The following ADGRB3 variants were observed in gnomAD, a reference collection of about 807,000 sequenced individuals.
ADGRB3 encodes adhesion G protein-coupled receptor B3.
A neutral mutation model predicts 193.4 loss-of-function variants in ADGRB3; 37 were observed. That is an observed-to-expected ratio of 0.19 (90% CI 0.15 to 0.25). The LOEUF (loss-of-function observed/expected upper bound fraction) is 0.25. Ranked by LOEUF, ADGRB3 falls within the 10% of genes least tolerant of loss-of-function variation. The pLI is 1.00. For missense variants in ADGRB3, 1,637 were observed against 1,852.9 expected, an observed-to-expected ratio of 0.88 and a Z score of 2.14; for synonymous variants, 690 against 644.2, an observed-to-expected ratio of 1.07 and a Z score of -1.08.
At position 68,661,325 on chromosome 6, in the gene ADGRB3, G is replaced by GTA. The variant is rs1285732546; in HGVS notation, c.757+21909_757+21910dup. On this transcript the variant is annotated intron_variant, in intron 3 of 31. Transcript: ENST00000370598. ...TATATATGTGTGTGTGTGTGTGTGT[G>GTA]TATATATATATATATATGTGTGTGT... 4.0e-4 allele frequency among the ~76,000 whole-genome samples: 36 copies of GTA among 89,558 alleles called. 1 individual carries two copies. Among genetic ancestry groups the GTA allele is most frequent in the Middle Eastern group, 5.6e-3 (1 of 178 alleles). 58.8% of individuals were successfully genotyped at this position (89,558 alleles called of 152,430 possible).
At chr6:69,199,401 G>A (rs953684788) in intron 17 of ADGRB3, among the ~76,000 whole-genome samples, 1 of 152,008 alleles carries the variant, frequency 6.6e-6, no homozygotes, top group Admixed American at 6.6e-5. Flanking sequence ...AGGGATAGTA[G>A]TAATAATCTG....
chr6:69,252,957 T>A lies in ADGRB3; in HGVS notation c.2814+13731T>A, dbSNP rs139721774. The stretch of plus-strand genomic sequence containing the variant: ...ATGTAGATCTATGTCTCGAACAAAA[T>A]TAATTTTTGTGTGTTATATGAGGTA... On this transcript the variant is annotated intron_variant, in intron 20 of 31. Transcript: ENST00000370598. Among the ~76,000 whole-genome samples the A allele has an allele frequency of 3.2e-3, 493 of 152,192 alleles. 1 individual carries two copies. The highest frequency in any genetic ancestry group is 0.011 in the African/African-American group (466 of 41,538).
At chr6:69,118,202 A>G (rs1773586127) in intron 17 of ADGRB3, among the ~76,000 whole-genome samples, 2 of 152,088 alleles carry the variant, frequency 1.3e-5, no homozygotes, top group African/African-American at 2.4e-5. Context: ...TCTTCCAAAT[A>G]TAGTATAATT....
At chr6:69,210,731 TG>T (rs1157300089) in intron 17 of ADGRB3, among the ~76,000 whole-genome samples, 1 of 152,104 alleles carries the variant, frequency 6.6e-6, no homozygotes, top group East Asian at 1.9e-4. Context: ...ACTGTTAAAA[TG>T]GCAAATAAAT....
intron 17 of ADGRB3, among the ~76,000 whole-genome samples, chr6:69,102,110 G>A (rs530201690): frequency 2.7e-5 from 4 of 150,748 alleles, no homozygotes; most frequent in South Asian, 2.2e-4. Flanking sequence ...CCCGGGAGGC[G>A]GAGTTTGCAG....
chr6:69,010,814 A>T (rs1769910050), intron 11 of ADGRB3, among the ~76,000 whole-genome samples: 2 of 151,974 alleles, frequency 1.3e-5, no homozygotes, highest in African/African-American at 4.8e-5. Context: ...AAAAGCAAAA[A>T]AATGAGACAA....
chr6:69,056,494 T>A (rs1771548825), intron 15 of ADGRB3, among the ~76,000 whole-genome samples: 1 of 152,152 alleles, frequency 6.6e-6, no homozygotes, highest in South Asian at 2.1e-4. Context: ...TTTGATGAAG[T>A]CCTATTTGCT....
At chr6:68,760,495 A>G (rs1053067237) in intron 3 of ADGRB3, among the ~76,000 whole-genome samples, 5 of 152,232 alleles carry the variant, frequency 3.3e-5, no homozygotes, top group African/African-American at 7.2e-5. Context: ...GACCAGAACC[A>G]AAGAAAATGA....
At chr6:69,146,195 T>C (rs2150339584) in intron 17 of ADGRB3, among the ~76,000 whole-genome samples, 1 of 152,270 alleles carries the variant, frequency 6.6e-6, no homozygotes, top group East Asian at 1.9e-4. Context: ...ACCCCCATGC[T>C]CATCAGCACC....
At chr6:68,979,242 G>C (rs1288924857) in intron 10 of ADGRB3, among the ~76,000 whole-genome samples, 1 of 151,194 alleles carries the variant, frequency 6.6e-6, no homozygotes, top group African/African-American at 2.4e-5. Context: ...AAGGATACTA[G>C]CAGCTGGAGA....
intron 17 of ADGRB3, among the ~76,000 whole-genome samples, chr6:69,146,821 C>CTTTTTTTTTTTTTTT (rs756561473): frequency 5.8e-5 from 6 of 103,244 alleles, no homozygotes; most frequent in Admixed American, 1.1e-4. Context: ...CTCATTACTT[C>CTTTTTTTTTTTTTTT]TTTTTTTTTT....
chr6:69,176,859 A>G (rs560861303), intron 17 of ADGRB3, among the ~76,000 whole-genome samples: 1 of 152,288 alleles, frequency 6.6e-6, no homozygotes, highest in South Asian at 2.1e-4. Context: ...CAATCTAGGG[A>G]CATTGTATGC....
At chr6:69,107,876 A>C (rs574439791) in intron 17 of ADGRB3, among the ~76,000 whole-genome samples, 1 of 152,216 alleles carries the variant, frequency 6.6e-6, no homozygotes, top group Admixed American at 6.5e-5. Context: ...AACAGTAGAC[A>C]CTTGAGACTA....
chr6:69,354,349 G>A (rs754811046), intron 27 of ADGRB3, 21 bp downstream of exon 27: 18 of 1,559,036 alleles, frequency 1.2e-5, no homozygotes, highest in Middle Eastern at 1.7e-4. Context: ...ATTTTTCCCC[G>A]ATTGTTAATT....
At chr6:69,113,000 T>C (rs1262516675) in intron 17 of ADGRB3, among the ~76,000 whole-genome samples, 1 of 152,144 alleles carries the variant, frequency 6.6e-6, no homozygotes, top group Non-Finnish European at 1.5e-5. Context: ...TCAGGTGGTC[T>C]GCCCACCTCA....
chr6:69,287,267 A>T (rs971037892), intron 20 of ADGRB3, among the ~76,000 whole-genome samples: 13 of 152,242 alleles, frequency 8.5e-5, no homozygotes, highest in African/African-American at 2.9e-4. Context: ...TTACCCACAG[A>T]GCAAATAATA....
chr6:69,039,655 A>C (rs1210942598), intron 13 of ADGRB3, among the ~76,000 whole-genome samples: 1 of 152,192 alleles, frequency 6.6e-6, no homozygotes, highest in Admixed American at 6.5e-5. Flanking sequence ...TTAGCATGCC[A>C]TAGTAAACTA....
intron 10 of ADGRB3, among the ~76,000 whole-genome samples, chr6:68,981,413 A>G (rs1248166594): frequency 1.3e-5 from 2 of 151,832 alleles, no homozygotes; most frequent in African/African-American, 2.4e-5. Flanking sequence ...GGGAGGTGTT[A>G]CTTAAATCTT....
At chr6:68,642,529 T>A (rs888294899) in intron 3 of ADGRB3, among the ~76,000 whole-genome samples, 1 of 152,142 alleles carries the variant, frequency 6.6e-6, no homozygotes, top group Non-Finnish European at 1.5e-5. Flanking sequence ...CAATTACAGA[T>A]GTTATCTTGA....
Sources: gnomAD v4.1 joint callset for allele counts (sites outside exome capture counted in the v4.1 genomes callset) on GRCh38, gnomAD v4.1.1 for gene constraint, MANE v1.5 for transcripts, NCBI Gene and HGNC (gene_info 2026-07-23, HGNC 2026-07-21) for gene names.